The following MAPK10 variants were observed in gnomAD, a reference collection of about 807,000 sequenced individuals.
The protein encoded by MAPK10 is JNK3 alpha protein kinase.
Under a neutral mutation model 59.3 loss-of-function variants are expected in MAPK10, and 25 were observed. That is an observed-to-expected ratio of 0.42 (90% confidence interval 0.31 to 0.59). The LOEUF is 0.59. MAPK10 is among the 20% of genes least tolerant of loss of function. MAPK10 has a pLI of 0.15. For missense variants in MAPK10, 351 were observed against 568.9 expected (o/e 0.62, Z 3.90); for synonymous variants, 190 against 200.5 (o/e 0.95, Z 0.44).
intron 1 of MAPK10, among the ~76,000 whole-genome samples, chr4:86,573,871 A>G (rs1761656485): frequency 6.6e-6 from 1 of 152,028 alleles, no homozygotes; most frequent in Non-Finnish European, 1.5e-5. Context: ...TCAATTTCTA[A>G]TTGTTTAATT....
intron 1 of MAPK10, among the ~76,000 whole-genome samples, chr4:86,506,497 G>T (rs116523493): frequency 2.6e-4 from 39 of 152,216 alleles, no homozygotes; most frequent in Middle Eastern, 6.8e-3. Context: ...CTTAGCTGCT[G>T]CCTGGCACAG....
At chr4:86,393,212 TAG>T (rs1742470644) in intron 1 of MAPK10, among the ~76,000 whole-genome samples, 2 of 152,186 alleles carry the variant, frequency 1.3e-5, no homozygotes, top group Non-Finnish European at 2.9e-5. Context: ...TAACTTCAAT[TAG>T]AAGGTTAAGA....
At chr4:86,145,130 T>G (rs2064599461) in intron 4 of MAPK10, among the ~76,000 whole-genome samples, 1 of 152,188 alleles carries the variant, frequency 6.6e-6, no homozygotes, top group African/African-American at 2.4e-5. Flanking sequence ...TTTCTAGTAT[T>G]TTTTTCTACT....
At chr4:86,138,859 T>A (rs1276684964) in intron 4 of MAPK10, among the ~76,000 whole-genome samples, 1 of 152,016 alleles carries the variant, frequency 6.6e-6, no homozygotes, top group Non-Finnish European at 1.5e-5. Context: ...AAAACCAATG[T>A]GCAAAAATCA....
chr4:86,333,105 C>T (rs1281168715), intron 2 of MAPK10, among the ~76,000 whole-genome samples: 1 of 152,088 alleles, frequency 6.6e-6, no homozygotes, highest in Non-Finnish European at 1.5e-5. Flanking sequence ...GCCACTGCAC[C>T]CAGCTGTAGA....
At chr4:86,290,449 G>A (rs1439760005) in intron 2 of MAPK10, among the ~76,000 whole-genome samples, 7 of 152,140 alleles carry the variant, frequency 4.6e-5, no homozygotes, top group Admixed American at 3.3e-4. Flanking sequence ...TACTGGCAAC[G>A]GCCAATCTAT....
At chr4:86,139,662 C>G (rs1201559970) in intron 4 of MAPK10, among the ~76,000 whole-genome samples, 1 of 152,128 alleles carries the variant, frequency 6.6e-6, no homozygotes, top group Admixed American at 6.5e-5. Flanking sequence ...GCAATGGCAA[C>G]AAAAGACAAA....
intron 1 of MAPK10, among the ~76,000 whole-genome samples, chr4:86,438,605 G>A (rs1245529030): frequency 6.6e-6 from 1 of 151,476 alleles, no homozygotes; most frequent in Non-Finnish European, 1.5e-5. Context: ...CAGGAGAATT[G>A]CTTGAACCCA....
At position 86,015,728 on chromosome 4, in the gene MAPK10, G is replaced by A. The variant is rs1219289753; in HGVS notation, c.*1500C>T. On this transcript the variant is annotated 3_prime_UTR_variant, in exon 14 of 14. Transcript: ENST00000641462. The stretch of plus-strand genomic sequence containing the variant: ...ATATTGCTAAAACTATTTGGCAGCA[G>A]TAAATTTATGGGCAGAGTTATTGCT... The A allele has an allele frequency of 6.6e-6, 1 of 152,172 alleles. No individual in the cohort carries two copies. The highest frequency in any genetic ancestry group is 1.5e-5 in the Non-Finnish European group (1 of 68,024). The allele number at this position is 152,172 out of a possible 1,614,324, so 9.4% of individuals were successfully genotyped here.
chr4:86,472,567 C>T (rs1444695090), intron 1 of MAPK10, among the ~76,000 whole-genome samples: 2 of 152,020 alleles, frequency 1.3e-5, no homozygotes, highest in African/African-American at 4.8e-5. Context: ...TCACTTGAGC[C>T]AGGCAGGTTG....
chr4:86,156,237 T>A (rs1448733033), intron 4 of MAPK10, among the ~76,000 whole-genome samples: 1 of 152,054 alleles, frequency 6.6e-6, no homozygotes, highest in Non-Finnish European at 1.5e-5. Flanking sequence ...CTATGATTAT[T>A]TCAACTTTAA....
intron 1 of MAPK10, among the ~76,000 whole-genome samples, chr4:86,561,313 T>C (rs1760661536): frequency 6.6e-6 from 1 of 152,208 alleles, no homozygotes; most frequent in African/African-American, 2.4e-5. Flanking sequence ...CTGTGTATTA[T>C]AAGTTCTTAT....
Position 86,552,459 on chromosome 4 carries a change from AGGAGGGAGGGAG to A in MAPK10, c.-263+41439_-263+41450del, listed in dbSNP as rs1165212307. ...AAGGAAGGAAGGAAGGAAGGAAGGA[AGGAGGGAGGGAG>A]GGAGGGAGGGAGGGAGGGAGGGAGG... On this transcript the variant is annotated intron_variant, in intron 1 of 4. Transcript: ENST00000502302. 1.8e-3 allele frequency among the ~76,000 whole-genome samples: 62 copies of A among 34,582 alleles called. 1 individual carries two copies. Among genetic ancestry groups the A allele is most frequent in the South Asian group, 0.013 (6 of 478 alleles). The allele number at this position is 34,582 out of a possible 152,430, so 22.7% of individuals were successfully genotyped here. A position where few individuals can be genotyped will look rare whatever the true frequency, so the allele number is the denominator to read the frequency against.
intron 9 of MAPK10, chr4:86,081,348 C>T (rs963447835): frequency 1.3e-5 from 2 of 151,840 alleles, no homozygotes; most frequent in Non-Finnish European, 2.9e-5. Context: ...AGACATAAAA[C>T]ATATAAATTA....
intron 1 of MAPK10, among the ~76,000 whole-genome samples, chr4:86,528,826 A>G (rs1034585316): frequency 1.3e-5 from 2 of 152,156 alleles, no homozygotes; most frequent in African/African-American, 4.8e-5. Context: ...TTATTAGAAC[A>G]CTCTCATTCA....
At chr4:86,410,160 A>G (rs555628506) in intron 1 of MAPK10, among the ~76,000 whole-genome samples, 1 of 152,308 alleles carries the variant, frequency 6.6e-6, no homozygotes, top group South Asian at 2.1e-4. Context: ...TGAGATAATC[A>G]TGTGGTTTTT....
chr4:86,283,438 C>A (rs1010452765), intron 2 of MAPK10, among the ~76,000 whole-genome samples: 1 of 152,134 alleles, frequency 6.6e-6, no homozygotes, highest in African/African-American at 2.4e-5. Flanking sequence ...ACTCCAATAC[C>A]AAAATAGGGC....
At chr4:86,261,402 C>T (rs900887340) in intron 2 of MAPK10, among the ~76,000 whole-genome samples, 5 of 152,176 alleles carry the variant, frequency 3.3e-5, no homozygotes, top group Admixed American at 6.5e-5. Flanking sequence ...TTAACTGTCA[C>T]GTGCCTTTTT....
chr4:86,032,935 G>A (rs1450556487), intron 11 of MAPK10, among the ~76,000 whole-genome samples: 1 of 152,166 alleles, frequency 6.6e-6, no homozygotes, highest in Non-Finnish European at 1.5e-5. Flanking sequence ...GTGGCTGGCT[G>A]AGCAGCTCTC....
Sources: allele counts gnomAD v4.1 joint callset (sites outside exome capture counted in the v4.1 genomes callset), GRCh38; gene constraint gnomAD v4.1.1; transcripts MANE v1.5; gene names NCBI Gene and HGNC (gene_info 2026-07-23, HGNC 2026-07-21).